Variants in OR52I2 observed in about 807,000 individuals in gnomAD.
OR52I2 encodes the protein olfactory receptor 52I2.
For missense variants in OR52I2, 350 were observed against 402.4 expected, an observed-to-expected ratio of 0.87 and a Z score of 1.11; for synonymous variants, 147 against 151.9, an observed-to-expected ratio of 0.97 and a Z score of 0.24.
chr11:4,592,354 G>A (rs1564861377), exon 2 of OR52I2: 3 of 152,318 alleles, frequency 2.0e-5, no homozygotes. Flanking sequence ...CAGTCTAGGA[G>A]TATGAATCTA....
Position 4,587,042 on chromosome 11 carries a change from C to G in OR52I2, c.152C>G (p.Thr51Ser). The G allele has an allele frequency of 2.5e-6, 4 of 1,614,164 alleles. No individual in the cohort carries two copies. The South Asian group carries it at 4.4e-5, about 18-fold the overall frequency. The stretch of plus-strand genomic sequence containing the variant: ...CTGTTAGGAAACACCATCATCGTGA[C>G]TGCAATCTGGATGGATTCCACTCGG... The change falls in exon 2 of 2, where the codon ACT (threonine) becomes AGT (serine). Residue 51 changes from threonine (T) to serine (S), a missense_variant. Physicochemically the swap from Thr to Ser is moderately conservative, Grantham distance 58. Transcript: ENST00000641896.
chr11:4,589,592 T>C (rs1045839679), exon 2 of OR52I2: 7 of 151,976 alleles, frequency 4.6e-5, no homozygotes, highest in Non-Finnish European at 1.0e-4. Context: ...AAAATGATAT[T>C]TGGATAGGAA....
Position 4,587,358 on chromosome 11 carries a change from T to C in OR52I2, c.468T>C (p.Ala156=), listed in dbSNP as rs767023490. ...TGAGTATGGCCATCACCATCAGAGC[T>C]ATCATAGCCATAACTCCACTGAGTT... The change falls in exon 2 of 2, where the codon GCT becomes GCC. Residue 156 remains alanine (A), a synonymous_variant. Transcript: ENST00000641896. 6.2e-6 allele frequency: 10 copies of C among 1,613,066 alleles called. No homozygotes were observed. In the East Asian group the frequency reaches 2.0e-4, roughly 32 times the overall value.
chr11:4,585,127 G>C (rs989509108), intron 1 of OR52I2, among the ~76,000 whole-genome samples: 9 of 152,156 alleles, frequency 5.9e-5, no homozygotes, highest in Admixed American at 5.9e-4. Flanking sequence ...AAAGCGGCTA[G>C]CAAGTGATAG....
At chr11:4,593,017 G>C (rs886524291) in exon 2 of OR52I2, 1 of 152,154 alleles carries the variant, frequency 6.6e-6, no homozygotes, top group Non-Finnish European at 1.5e-5. Context: ...TTTAATCTAA[G>C]TTATACAAAC....
chr11:4,586,419 A>C (rs574932878), intron 1 of OR52I2, among the ~76,000 whole-genome samples: 4 of 152,348 alleles, frequency 2.6e-5, no homozygotes, highest in Admixed American at 2.0e-4. Context: ...CTTAACCATA[A>C]TAAACATATA....
chr11:4,587,502 G>T (rs145322787), exon 2 of OR52I2: 30 of 1,614,076 alleles, frequency 1.9e-5, no homozygotes, highest in Non-Finnish European at 2.5e-5. Flanking sequence ...TCTACAGTCT[G>T]ATTGGTTCCT....
exon 2 of OR52I2, chr11:4,590,763 T>C (rs1846344779): frequency 6.6e-6 from 1 of 152,174 alleles, no homozygotes; most frequent in Non-Finnish European, 1.5e-5. Flanking sequence ...TACCCTGATT[T>C]TTTCTTTCAC....
exon 2 of OR52I2, chr11:4,591,988 T>C (rs1846353562): frequency 6.6e-6 from 1 of 152,336 alleles, no homozygotes; most frequent in African/African-American, 2.4e-5. Flanking sequence ...ACATCTTCAG[T>C]GGCAACTCAT....
exon 2 of OR52I2, chr11:4,588,362 C>T (rs1007067395): frequency 2.5e-5 from 4 of 159,562 alleles, no homozygotes; most frequent in East Asian, 3.7e-4. Context: ...AACTTTATAG[C>T]TTGTGCCTGT....
At chr11:4,592,449 A>G (rs1264187480) in exon 2 of OR52I2, 1 of 152,180 alleles carries the variant, frequency 6.6e-6, no homozygotes, top group African/African-American at 2.4e-5. Flanking sequence ...ACACAAAAGT[A>G]TGCAGGATTT....
chr11:4,586,075 CT>C (rs1362229806), intron 1 of OR52I2, among the ~76,000 whole-genome samples: 2 of 152,102 alleles, frequency 1.3e-5, no homozygotes, highest in Non-Finnish European at 2.9e-5. Flanking sequence ...CCAAGGTTTT[CT>C]TTGTAGTATT....
exon 2 of OR52I2, chr11:4,588,773 G>A (rs1846328797): frequency 6.6e-6 from 1 of 152,300 alleles, no homozygotes; most frequent in East Asian, 1.9e-4. Context: ...CTACCATAAA[G>A]TGAAGTGAAA....
At chr11:4,582,551 T>C (rs1247261283) in intron 1 of OR52I2, among the ~76,000 whole-genome samples, 1 of 149,132 alleles carries the variant, frequency 6.7e-6, no homozygotes, top group Non-Finnish European at 1.5e-5. Flanking sequence ...GCAATTTTCA[T>C]GCCTCAGCCT....
At chr11:4,586,164 A>G (rs567719264) in intron 1 of OR52I2, among the ~76,000 whole-genome samples, 10 of 152,292 alleles carry the variant, frequency 6.6e-5, no homozygotes, top group Admixed American at 5.9e-4. Context: ...ATTTCCAGGT[A>G]CTTTATTATC....
exon 2 of OR52I2, chr11:4,593,251 C>T (rs1846366489): frequency 6.5e-6 from 1 of 152,752 alleles, no homozygotes; most frequent in Admixed American, 6.5e-5. Context: ...GGGGGGTCAT[C>T]TATAAGGTAA....
chr11:4,586,587 G>T (rs987162012), intron 1 of OR52I2, among the ~76,000 whole-genome samples: 1 of 152,152 alleles, frequency 6.6e-6, no homozygotes, highest in African/African-American at 2.4e-5. Context: ...ATGGGAGATT[G>T]TATGAAAGCT....
At chr11:4,589,412 G>T (rs1846334379) in exon 2 of OR52I2, 1 of 151,592 alleles carries the variant, frequency 6.6e-6, no homozygotes, top group Admixed American at 6.6e-5. Flanking sequence ...ACTCATTGGA[G>T]AAAGTTAAAC....
At chr11:4,588,086 T>G in exon 2 of OR52I2, 1 of 565,760 alleles carries the variant, frequency 1.8e-6, no homozygotes, top group Non-Finnish European at 3.1e-6. Flanking sequence ...CAAGTTTTGG[T>G]AGAGAATACA....
Sources: gnomAD v4.1 joint callset for allele counts (sites outside exome capture counted in the v4.1 genomes callset) on GRCh38, gnomAD v4.1.1 for gene constraint, MANE v1.5 for transcripts, NCBI Gene and HGNC (gene_info 2026-07-23, HGNC 2026-07-21) for gene names.